DLGAP2: variants seen among roughly 807,000 people sequenced by gnomAD.
DLGAP2 encodes the protein disks large-associated protein 2.
In DLGAP2, 26 loss-of-function variants were observed where a neutral mutation model predicts 100.3. That is an observed-to-expected ratio of 0.26 (90% CI 0.19 to 0.36). The LOEUF is 0.36. Ranked by LOEUF, DLGAP2 falls within the 10% of genes least tolerant of loss-of-function variation. The pLI, the probability that DLGAP2 is intolerant of heterozygous loss-of-function variation, is 1.00. For synonymous variants in DLGAP2, 886 were observed against 630.1 expected, an observed-to-expected ratio of 1.41 and a Z score of -6.08; for missense variants, 1,858 against 1,453.2, an observed-to-expected ratio of 1.28 and a Z score of -4.53.
chr8:860,342 C>T (rs926765095), intron 1 of DLGAP2, among the ~76,000 whole-genome samples: 2 of 152,328 alleles, frequency 1.3e-5, no homozygotes, highest in East Asian at 1.9e-4. Context: ...CTGACACCAG[C>T]GAATAGCAGA....
rs201229861 is a variant in DLGAP2, at chr8:1,573,247, CTTCTG to C, written c.1442+7354_1442+7358del. Among the ~76,000 whole-genome samples, 520 of 127,314 alleles carry C rather than the reference CTTCTG, an allele frequency of 4.1e-3. 7 individuals carry two copies. The South Asian group carries it at 0.054, about 13-fold the overall frequency. 83.5% of individuals were successfully genotyped at this position (127,314 alleles called of 152,430 possible). On this transcript the variant is annotated intron_variant, in intron 6 of 14. Coordinates refer to ENST00000637795, the MANE Select transcript of DLGAP2 (RefSeq NM_001346810.2). ...GAGAGAGGGTGAACTGGAGGGGCGT[CTTCTG>C]GGATGGAGAGGAGAGAGGGTGGACT... is the stretch of plus-strand genomic sequence containing the variant.
intron 2 of DLGAP2, chr8:1,019,389 C>G (rs1458589861): frequency 6.6e-6 from 1 of 151,994 alleles, no homozygotes; most frequent in Non-Finnish European, 1.5e-5. Context: ...CCCGTGGCAA[C>G]TCACAAAGCA....
At chr8:923,527 A>G (rs1428651447) in intron 2 of DLGAP2, among the ~76,000 whole-genome samples, 1 of 152,232 alleles carries the variant, frequency 6.6e-6, no homozygotes, top group Non-Finnish European at 1.5e-5. Context: ...CAGTTCCTGA[A>G]GTTGACATAA....
chr8:1,321,889 C>G (rs535681427), intron 3 of DLGAP2, among the ~76,000 whole-genome samples: 2 of 152,092 alleles, frequency 1.3e-5, no homozygotes, highest in African/African-American at 2.4e-5. Context: ...ATTCTCAGAC[C>G]CATTCTGCAG....
At chr8:1,409,504 C>CTGGGTG (rs1216997088) in intron 3 of DLGAP2, among the ~76,000 whole-genome samples, 1 of 152,348 alleles carries the variant, frequency 6.6e-6, no homozygotes, top group East Asian at 1.9e-4. Context: ...AAGAAGAGAG[C>CTGGGTG]TGGGTGTGAC....
intron 4 of DLGAP2, among the ~76,000 whole-genome samples, chr8:1,541,222 A>G (rs908726471): frequency 3.3e-5 from 5 of 152,108 alleles, no homozygotes; most frequent in African/African-American, 1.2e-4. Context: ...TGTTTAATCC[A>G]TTTATTTGTT....
intron 3 of DLGAP2, among the ~76,000 whole-genome samples, chr8:1,426,489 T>G (rs7828858): frequency 0.21 from 32,422 of 151,808 alleles, 3,876 homozygotes; most frequent in Middle Eastern, 0.29. Flanking sequence ...ATCCCAGAGG[T>G]CGACAGAAAA....
chr8:1,135,903 G>A (rs1238236594), intron 2 of DLGAP2, among the ~76,000 whole-genome samples: 1 of 152,184 alleles, frequency 6.6e-6, no homozygotes, highest in East Asian at 1.9e-4. Context: ...GTAATCACAA[G>A]CAATCATTTT....
chr8:1,155,145 G>C lies in DLGAP2; in HGVS notation c.74-103706G>C, dbSNP rs546184144. Among the ~76,000 whole-genome samples, 5 of 152,270 alleles carry C rather than the reference G, an allele frequency of 3.3e-5. No homozygotes were observed. In the South Asian group the frequency reaches 1.0e-3, roughly 32 times the overall value. ...GTCCCCTGGGTATCCCTGGGGCAGC[G>C]GCTGGCCGGGTCCCGTGTCCCCTGC... On this transcript the variant is annotated intron_variant, in intron 2 of 14. Coordinates refer to ENST00000637795, the MANE Select transcript of DLGAP2 (RefSeq NM_001346810.2).
At chr8:1,671,496 C>G (rs1330864214) in intron 10 of DLGAP2, among the ~76,000 whole-genome samples, 2 of 152,368 alleles carry the variant, frequency 1.3e-5, no homozygotes, top group Middle Eastern at 3.4e-3. Context: ...GAGTCACTGG[C>G]TCATGGAGAG....
chr8:1,180,687 C>T (rs1483506212), intron 2 of DLGAP2, among the ~76,000 whole-genome samples: 1 of 149,962 alleles, frequency 6.7e-6, no homozygotes, highest in Non-Finnish European at 1.5e-5. Context: ...CAGGGCAGTA[C>T]AATTACCGTC....
At chr8:1,680,591 A>C (rs1426186283) in intron 12 of DLGAP2, 1 of 152,254 alleles carries the variant, frequency 6.6e-6, no homozygotes, top group Non-Finnish European at 1.5e-5. Context: ...GCTGCCTTCC[A>C]CGTGACCCAC....
chr8:1,572,419 G>A (rs1204039499), intron 6 of DLGAP2, among the ~76,000 whole-genome samples: 1 of 136,630 alleles, frequency 7.3e-6, no homozygotes, highest in Non-Finnish European at 1.6e-5. Flanking sequence ...AACTGTGGGG[G>A]CATCTGCTGG....
intron 3 of DLGAP2, among the ~76,000 whole-genome samples, chr8:1,465,613 G>A (rs1205244848): frequency 6.6e-6 from 1 of 152,208 alleles, no homozygotes; most frequent in Non-Finnish European, 1.5e-5. Flanking sequence ...TCAGGTGTCT[G>A]GAAGCTCCAC....
intron 3 of DLGAP2, among the ~76,000 whole-genome samples, chr8:1,385,921 G>C (rs1796209055): frequency 6.6e-6 from 1 of 152,198 alleles, no homozygotes; most frequent in Non-Finnish European, 1.5e-5. Flanking sequence ...CCCTTCTCCG[G>C]GAGCCACGAC....
rs187643764 is a variant in DLGAP2 at position 756,395 on chromosome 8, T to C, written c.18+18570T>C. 8.1e-4 allele frequency among the ~76,000 whole-genome samples: 123 copies of C among 152,322 alleles called. 1 individual carries two copies. The highest frequency in any genetic ancestry group is 2.7e-3 in the African/African-American group (114 of 41,564). Reference sequence around the variant, plus strand: ...TGGGTTAGAAACCATGGAGCTGACATTGAGAATGTTCTCTGATCTGTTTTT... The same window carrying C: ...TGGGTTAGAAACCATGGAGCTGACACTGAGAATGTTCTCTGATCTGTTTTT... On this transcript the variant is annotated intron_variant, in intron 1 of 14. Transcript: ENST00000637795.
At chr8:1,539,988 A>C (rs1801305497) in intron 4 of DLGAP2, among the ~76,000 whole-genome samples, 1 of 152,108 alleles carries the variant, frequency 6.6e-6, no homozygotes, top group East Asian at 1.9e-4. Context: ...GAAGCCCAGC[A>C]AAGTCCTGTT....
At chr8:1,065,347 G>A (rs1192780413) in intron 2 of DLGAP2, among the ~76,000 whole-genome samples, 2 of 152,208 alleles carry the variant, frequency 1.3e-5, no homozygotes, top group African/African-American at 4.8e-5. Context: ...CAGGAAAAAA[G>A]TCATCACATT....
At chr8:766,991 G>A (rs554426323) in intron 1 of DLGAP2, among the ~76,000 whole-genome samples, 14 of 152,168 alleles carry the variant, frequency 9.2e-5, no homozygotes, top group Non-Finnish European at 1.2e-4. Flanking sequence ...GTGCACTGGC[G>A]TCAGGCGCCC....
Sources: allele counts gnomAD v4.1 joint callset (sites outside exome capture counted in the v4.1 genomes callset), GRCh38; gene constraint gnomAD v4.1.1; transcripts MANE v1.5; gene names NCBI Gene and HGNC (gene_info 2026-07-23, HGNC 2026-07-21).